The following CDH4 variants were observed in gnomAD, a reference collection of about 807,000 sequenced individuals.
CDH4 encodes the protein cadherin-4.
CDH4 carries 33 observed loss-of-function variants against 86.0 expected under a neutral mutation model. That is an observed-to-expected ratio of 0.38 (90% confidence interval 0.29 to 0.51). The LOEUF (loss-of-function observed/expected upper bound fraction) is 0.51, where lower values mean the gene tolerates loss of function less well. Among genes scored for constraint, CDH4 ranks in the 20% least tolerant of loss-of-function variants. The probability of loss-of-function intolerance (pLI) is 0.86; values close to 1 mark genes in which losing one functional copy is unlikely to be tolerated. For missense variants in CDH4, 1,114 were observed against 1,307.4 expected (o/e 0.85, Z 2.28); for synonymous variants, 555 against 549.4 (o/e 1.01, Z -0.14).
intron 2 of CDH4, among the ~76,000 whole-genome samples, chr20:61,560,038 A>G (rs1360244322): frequency 1.3e-5 from 2 of 152,152 alleles, no homozygotes; most frequent in East Asian, 3.9e-4. Context: ...AGGTAGCCCA[A>G]GTTCCCAGCA....
intron 2 of CDH4, among the ~76,000 whole-genome samples, chr20:61,547,803 G>C (rs547841503): frequency 1.3e-5 from 2 of 152,336 alleles, no homozygotes; most frequent in South Asian, 4.1e-4. Flanking sequence ...CGTTTCCCAT[G>C]CATGGACATG....
At chr20:61,445,818 C>T (rs540272982) in intron 2 of CDH4, among the ~76,000 whole-genome samples, 2 of 152,224 alleles carry the variant, frequency 1.3e-5, no homozygotes, top group African/African-American at 2.4e-5. Context: ...CATGGTCCTT[C>T]GCCCTTTCCT....
At chr20:61,512,701 G>A (rs540853638) in intron 2 of CDH4, among the ~76,000 whole-genome samples, 3 of 152,364 alleles carry the variant, frequency 2.0e-5, no homozygotes, top group Admixed American at 6.5e-5. Context: ...TCATTTCTCA[G>A]TGGTGCCTGG....
intron 2 of CDH4, among the ~76,000 whole-genome samples, chr20:61,547,198 CTTTTT>C (rs779375514): frequency 1.1e-5 from 1 of 93,608 alleles, no homozygotes; most frequent in Non-Finnish European, 2.0e-5. Flanking sequence ...CCCCAGAGCT[CTTTTT>C]TTTTTTTTTT....
intron 2 of CDH4, among the ~76,000 whole-genome samples, chr20:61,732,169 T>C (rs1161448920): frequency 6.6e-6 from 1 of 152,196 alleles, no homozygotes; most frequent in Non-Finnish European, 1.5e-5. Context: ...GATTTTTCTG[T>C]GTACAAAATA....
chr20:61,856,294 G>A (rs934586868), intron 6 of CDH4, among the ~76,000 whole-genome samples: 5 of 152,288 alleles, frequency 3.3e-5, no homozygotes, highest in Admixed American at 1.3e-4. Flanking sequence ...GAGGAACTTC[G>A]AAGGCTTGGG....
chr20:61,335,812 A>G (rs13044659), intron 2 of CDH4, among the ~76,000 whole-genome samples: 55,835 of 152,024 alleles, frequency 0.37, 10,236 homozygotes, highest in East Asian at 0.5. Context: ...TGTCTTGGCT[A>G]TTGAAGTTGT....
chr20:61,591,739 T>C (rs1438433946), intron 2 of CDH4, among the ~76,000 whole-genome samples: 1 of 152,230 alleles, frequency 6.6e-6, no homozygotes, highest in African/African-American at 2.4e-5. Context: ...CTTTAACCCA[T>C]GCATAATTTT....
At chr20:61,660,549 C>T (rs371664019) in intron 2 of CDH4, among the ~76,000 whole-genome samples, 23 of 152,132 alleles carry the variant, frequency 1.5e-4, no homozygotes, top group African/African-American at 4.8e-4. Flanking sequence ...CATGTGGGTG[C>T]GCCTGACTGT....
intron 2 of CDH4, among the ~76,000 whole-genome samples, chr20:61,432,988 G>T (rs2085256761): frequency 6.6e-6 from 1 of 151,894 alleles, no homozygotes; most frequent in African/African-American, 2.4e-5. Flanking sequence ...ACAGGCACGT[G>T]CCACCACGCC....
chr20:61,292,243 T>A (rs2084326288), intron 2 of CDH4, among the ~76,000 whole-genome samples: 1 of 152,172 alleles, frequency 6.6e-6, no homozygotes, highest in Non-Finnish European at 1.5e-5. Context: ...GAAATGCCCA[T>A]CAGTGACAGA....
intron 2 of CDH4, among the ~76,000 whole-genome samples, chr20:61,609,203 A>G (rs1454683208): frequency 3.3e-5 from 5 of 152,220 alleles, no homozygotes; most frequent in Middle Eastern, 3.2e-3. Context: ...TTGTAAAACC[A>G]AACACATGGA....
intron 3 of CDH4, among the ~76,000 whole-genome samples, chr20:61,765,973 G>A (rs575475498): frequency 2.0e-5 from 3 of 152,136 alleles, no homozygotes; most frequent in East Asian, 1.9e-4. Flanking sequence ...GCCCACCCCC[G>A]CGCCTCTGGG....
chr20:61,311,543 A>G (rs977856529), intron 2 of CDH4, among the ~76,000 whole-genome samples: 6 of 152,204 alleles, frequency 3.9e-5, no homozygotes, highest in Non-Finnish European at 4.4e-5. Context: ...TAGACAAAAC[A>G]TGTTACACCT....
chr20:61,755,546 A>G (rs1247591677), intron 3 of CDH4, among the ~76,000 whole-genome samples: 2 of 142,636 alleles, frequency 1.4e-5, no homozygotes, highest in African/African-American at 2.7e-5. Context: ...TACACAGTGC[A>G]TGCTGCACAC....
At chr20:61,619,804 G>A (rs915080037) in intron 2 of CDH4, among the ~76,000 whole-genome samples, 1 of 152,240 alleles carries the variant, frequency 6.6e-6, no homozygotes, top group Non-Finnish European at 1.5e-5. Context: ...TACACAACAG[G>A]GAAGAGGGGC....
chr20:61,682,470 T>C (rs947849243), intron 2 of CDH4, among the ~76,000 whole-genome samples: 1 of 144,424 alleles, frequency 6.9e-6, no homozygotes, highest in Admixed American at 6.8e-5. Flanking sequence ...GAGGGATGGA[T>C]GGATGGACAG....
chr20:61,862,162 C>T (rs906049077), intron 6 of CDH4, among the ~76,000 whole-genome samples: 1 of 152,178 alleles, frequency 6.6e-6, no homozygotes, highest in South Asian at 2.1e-4. Context: ...CCCCAGGCAG[C>T]CCCCTCCATG....
chr20:61,863,571 C>G (rs1042354687), intron 6 of CDH4, among the ~76,000 whole-genome samples: 1 of 152,112 alleles, frequency 6.6e-6, no homozygotes, highest in African/African-American at 2.4e-5. Context: ...CTCTGTGGAA[C>G]GGAGCCCTGC....
Sources: gnomAD v4.1 joint callset for allele counts (sites outside exome capture counted in the v4.1 genomes callset) on GRCh38, gnomAD v4.1.1 for gene constraint, MANE v1.5 for transcripts, NCBI Gene and HGNC (gene_info 2026-07-23, HGNC 2026-07-21) for gene names.